SRD5A2: variants seen among roughly 807,000 people sequenced by gnomAD.
SRD5A2 encodes the protein steroid 5 alpha-reductase 2, also known as 3-oxo-5-alpha-steroid 4-dehydrogenase 2.
SRD5A2 carries 30 observed loss-of-function variants against 27.4 expected under a neutral mutation model. That is an observed-to-expected ratio of 1.10 (90% confidence interval 0.82 to 1.49). The LOEUF (loss-of-function observed/expected upper bound fraction) is 1.49, where lower values mean the gene tolerates loss of function less well. Ranked by LOEUF, SRD5A2 falls within the 40% of genes most tolerant of loss-of-function variation. The pLI, the probability that SRD5A2 is intolerant of heterozygous loss-of-function variation, is 0.00. For missense variants in SRD5A2, 348 were observed against 323.4 expected, an observed-to-expected ratio of 1.08 and a Z score of -0.58; for synonymous variants, 141 against 133.6, an observed-to-expected ratio of 1.06 and a Z score of -0.38.
intron 1 of SRD5A2, among the ~76,000 whole-genome samples, chr2:31,554,984 T>TGTGTGTGTGTGTG (rs1666466133): frequency 6.7e-6 from 1 of 149,312 alleles, no homozygotes; most frequent in African/African-American, 2.5e-5. Flanking sequence ...TGTGTGTGTG[T>TGTGTGTGTGTGTG]TACCGCCAGG....
the SRD5A2 span, among the ~76,000 whole-genome samples, chr2:31,606,751 T>C: frequency 3.9e-5 from 6 of 151,958 alleles, no homozygotes; most frequent in Non-Finnish European, 7.4e-5. Flanking sequence ...ATCATCTCCA[T>C]TCTGAGTCAC....
chr2:31,581,132 G>C, upstream of SRD5A2: 1 of 554,028 alleles, frequency 1.8e-6, no homozygotes, highest in Non-Finnish European at 3.2e-6. Flanking sequence ...TTCTTAGTTC[G>C]CCCGCCCTCT....
the SRD5A2 span, among the ~76,000 whole-genome samples, chr2:31,610,175 G>T: frequency 1.3e-5 from 2 of 151,992 alleles, no homozygotes; most frequent in African/African-American, 4.8e-5. Flanking sequence ...ATTTTATGTG[G>T]TCAGCATTAT....
intron 4 of SRD5A2, 79 bp downstream of exon 4, chr2:31,529,228 A>G (rs1475193309): frequency 1.3e-6 from 2 of 1,559,426 alleles, no homozygotes; most frequent in African/African-American, 1.4e-5. Flanking sequence ...CGGTTTCTCA[A>G]TCTTCCTCTG....
intron 1 of SRD5A2, among the ~76,000 whole-genome samples, chr2:31,546,062 A>G (rs1443207529): frequency 2.0e-5 from 3 of 152,330 alleles, no homozygotes; most frequent in Middle Eastern, 3.4e-3. Flanking sequence ...TTAAAGAAGA[A>G]TATAAAAATG....
the SRD5A2 span, among the ~76,000 whole-genome samples, chr2:31,619,554 C>A: frequency 6.6e-6 from 1 of 152,134 alleles, no homozygotes; most frequent in Non-Finnish European, 1.5e-5. Flanking sequence ...TACACTCCCA[C>A]CAACAGTGTA....
chr2:31,577,147 T>TAA (rs71405578), intron 1 of SRD5A2, among the ~76,000 whole-genome samples: 5 of 38,092 alleles, frequency 1.3e-4, no homozygotes, highest in Non-Finnish European at 1.8e-4. Flanking sequence ...TAGAGTATAA[T>TAA]AAAAAAAAAA....
At chr2:31,652,744 T>G in the SRD5A2 span, among the ~76,000 whole-genome samples, 28 of 152,310 alleles carry the variant, frequency 1.8e-4, no homozygotes, top group African/African-American at 6.7e-4. Flanking sequence ...CCAAACTTAA[T>G]CTACAGAAGA....
chr2:31,628,595 G>A, the SRD5A2 span, among the ~76,000 whole-genome samples: 3 of 152,186 alleles, frequency 2.0e-5, no homozygotes, highest in Admixed American at 6.5e-5. Flanking sequence ...GTGTGCTTAT[G>A]TAGTGATTGA....
chr2:31,652,690 A>G, the SRD5A2 span, among the ~76,000 whole-genome samples: 2 of 152,228 alleles, frequency 1.3e-5, no homozygotes, highest in East Asian at 3.9e-4. Context: ...AAAAAAGCAC[A>G]CAGTGTAAAA....
Position 31,574,990 on chromosome 2 carries a change from T to C in SRD5A2, c.281+5630A>G, listed in dbSNP as rs111938258. ...CAATAGAGATCATGACCTGGCTTTT[T>C]ACAGAAAAAGTTTGCTGACTCTCAT... On this transcript the variant is annotated intron_variant, in intron 1 of 4. Coordinates refer to ENST00000622030, the MANE Select transcript of SRD5A2 (RefSeq NM_000348.4). Among the ~76,000 whole-genome samples the C allele has an allele frequency of 2.1e-3, 327 of 152,358 alleles. 3 individuals carry two copies. The highest frequency in any genetic ancestry group is 7.5e-3 in the African/African-American group (313 of 41,594).
the SRD5A2 span, among the ~76,000 whole-genome samples, chr2:31,647,610 G>C: frequency 1.3e-5 from 2 of 152,100 alleles, no homozygotes; most frequent in African/African-American, 2.4e-5. Flanking sequence ...AAAATGCAGT[G>C]AAAAATAACC....
chr2:31,603,295 A>G, the SRD5A2 span, among the ~76,000 whole-genome samples: 1,206 of 151,954 alleles, frequency 7.9e-3, 4 homozygotes, highest in Non-Finnish European at 0.013. Context: ...ATACATGTGG[A>G]AAAAAAAGCT....
the SRD5A2 span, among the ~76,000 whole-genome samples, chr2:31,645,215 AC>A: frequency 4.2e-3 from 646 of 152,270 alleles, 1 homozygote; most frequent in African/African-American, 0.012. Flanking sequence ...ATTAAAAAAA[AC>A]GTTAGAAAAA....
At position 31,525,183 on chromosome 2, in the gene SRD5A2, G is replaced by A. The variant is rs570363514; in HGVS notation, c.*1013C>T. ...GGCTGCCCCTAGGAGACACCTTCTT[G>A]AACAGGTCCTGAGAACTACAAGGAA... is the stretch of plus-strand genomic sequence containing the variant. On this transcript the variant is annotated 3_prime_UTR_variant, in exon 5 of 5. Coordinates refer to ENST00000622030, the MANE Select transcript of SRD5A2 (RefSeq NM_000348.4). The A allele has an allele frequency of 4.5e-5, 10 of 222,848 alleles. No homozygotes were observed. In the East Asian group the frequency reaches 6.5e-4, roughly 14 times the overall value. 13.8% of individuals were successfully genotyped at this position (222,848 alleles called of 1,614,324 possible). A position where few individuals can be genotyped will look rare whatever the true frequency, so the allele number is the denominator to read the frequency against.
the SRD5A2 span, among the ~76,000 whole-genome samples, chr2:31,595,849 A>T: frequency 6.6e-6 from 1 of 152,196 alleles, no homozygotes; most frequent in Non-Finnish European, 1.5e-5. Flanking sequence ...CAAAAAGATG[A>T]TCCACCATAA....
the SRD5A2 span, among the ~76,000 whole-genome samples, chr2:31,662,642 C>T: frequency 2.6e-5 from 4 of 152,196 alleles, no homozygotes; most frequent in African/African-American, 9.6e-5. Context: ...TTTGGTATCA[C>T]CCTTAGTCCT....
chr2:31,546,273 TA>T (rs1217022792), intron 1 of SRD5A2, among the ~76,000 whole-genome samples: 1 of 151,376 alleles, frequency 6.6e-6, no homozygotes, highest in Non-Finnish European at 1.5e-5. Flanking sequence ...GGAGAAAAAA[TA>T]TTGAGGACTC....
the SRD5A2 span, among the ~76,000 whole-genome samples, chr2:31,627,159 G>A: frequency 1.3e-5 from 2 of 152,108 alleles, no homozygotes; most frequent in Non-Finnish European, 1.5e-5. Context: ...AGTATTTATA[G>A]TATTATCTCA....
Sources: allele counts gnomAD v4.1 joint callset (sites outside exome capture counted in the v4.1 genomes callset), GRCh38; gene constraint gnomAD v4.1.1; transcripts MANE v1.5; gene names NCBI Gene and HGNC (gene_info 2026-07-23, HGNC 2026-07-21).